RARB: variants seen among roughly 807,000 people sequenced by gnomAD.
RARB encodes the protein HBV-activated protein.
Under a neutral mutation model 51.9 loss-of-function variants are expected in RARB, and 17 were observed. That is an observed-to-expected ratio of 0.33 (90% CI 0.22 to 0.49). RARB has a LOEUF of 0.49. RARB is among the 20% of genes least tolerant of loss of function. The pLI is 0.99. For synonymous variants in RARB, 215 were observed against 195.4 expected, an observed-to-expected ratio of 1.10 and a Z score of -0.84; for missense variants, 369 against 550.8, an observed-to-expected ratio of 0.67 and a Z score of 3.30.
At chr3:25,397,149 G>GC (rs1440229842) in intron 5 of RARB, among the ~76,000 whole-genome samples, 36 of 152,128 alleles carry the variant, frequency 2.4e-4, no homozygotes, top group African/African-American at 7.7e-4. Context: ...TCTACTGGCA[G>GC]CCCTCCCCAA....
At chr3:25,269,455 T>C (rs1456250034) in intron 5 of RARB, among the ~76,000 whole-genome samples, 1 of 152,200 alleles carries the variant, frequency 6.6e-6, no homozygotes, top group Non-Finnish European at 1.5e-5. Flanking sequence ...ACTTACTAGC[T>C]GCATGACCTT....
At chr3:25,043,369 A>T (rs1380189256) in intron 2 of RARB, among the ~76,000 whole-genome samples, 2 of 152,244 alleles carry the variant, frequency 1.3e-5, no homozygotes, top group East Asian at 1.9e-4. Flanking sequence ...TGACTCATTT[A>T]TTAATAGTAA....
At chr3:25,099,994 C>T (rs1302573041) in intron 3 of RARB, among the ~76,000 whole-genome samples, 3 of 152,172 alleles carry the variant, frequency 2.0e-5, no homozygotes, top group Non-Finnish European at 2.9e-5. Context: ...TTTCACTTGG[C>T]CCGTTTTCTA....
chr3:25,573,194 A>T (rs1330783064), intron 4 of RARB, among the ~76,000 whole-genome samples: 1 of 151,382 alleles, frequency 6.6e-6, no homozygotes, highest in Non-Finnish European at 1.5e-5. Context: ...TTCCCTGCCC[A>T]CTCTGTTCTT....
chr3:25,398,535 G>T (rs1298824564), intron 5 of RARB, among the ~76,000 whole-genome samples: 2 of 152,140 alleles, frequency 1.3e-5, no homozygotes, highest in Non-Finnish European at 1.5e-5. Context: ...ACACAACACA[G>T]TTGCCATATT....
At chr3:24,856,978 A>G (rs758786995) in intron 1 of RARB, among the ~76,000 whole-genome samples, 8 of 152,176 alleles carry the variant, frequency 5.3e-5, no homozygotes, top group Non-Finnish European at 1.2e-4. Flanking sequence ...CTGAAGAGAA[A>G]ATGCCTTCTC....
intron 5 of RARB, among the ~76,000 whole-genome samples, chr3:25,387,437 G>T (rs974061892): frequency 6.6e-6 from 1 of 152,150 alleles, no homozygotes; most frequent in African/African-American, 2.4e-5. Flanking sequence ...TCAGAGAACC[G>T]AAGTGGGGAG....
chr3:25,551,013 A>C (rs1320786340), intron 3 of RARB, among the ~76,000 whole-genome samples: 2 of 152,222 alleles, frequency 1.3e-5, no homozygotes, highest in Admixed American at 1.3e-4. Flanking sequence ...TGGAGAGGAC[A>C]CAAACATTTA....
At chr3:24,829,334 G>C (rs1206391933), upstream of RARB, among the ~76,000 whole-genome samples, 11 of 151,936 alleles carry the variant, frequency 7.2e-5, no homozygotes, top group Admixed American at 7.2e-4. Flanking sequence ...TGCTCTCAGC[G>C]GCGGCGGCAG....
At chr3:25,129,354 C>CT (rs1195674219) in intron 3 of RARB, among the ~76,000 whole-genome samples, 2 of 151,956 alleles carry the variant, frequency 1.3e-5, no homozygotes, top group Non-Finnish European at 2.9e-5. Flanking sequence ...TACAGTATGT[C>CT]TTTTTTGTGT....
At chr3:24,977,433 T>A (rs1231659303) in intron 2 of RARB, among the ~76,000 whole-genome samples, 4 of 152,200 alleles carry the variant, frequency 2.6e-5, no homozygotes, top group African/African-American at 9.6e-5. Flanking sequence ...CTCTTTTATT[T>A]CGTTGAGCAG....
intron 5 of RARB, among the ~76,000 whole-genome samples, chr3:25,357,878 G>T (rs1370373874): frequency 6.6e-6 from 1 of 151,970 alleles, no homozygotes; most frequent in Non-Finnish European, 1.5e-5. Flanking sequence ...TATCAGTTTT[G>T]GTACCAGTAC....
intron 5 of RARB, among the ~76,000 whole-genome samples, chr3:25,252,739 A>T: frequency 6.6e-6 from 1 of 152,132 alleles, no homozygotes; most frequent in East Asian, 1.9e-4. Flanking sequence ...CTTCTAATAA[A>T]TTTTTTTGTG....
intron 5 of RARB, among the ~76,000 whole-genome samples, chr3:25,198,662 C>T (rs1247212682): frequency 6.6e-6 from 1 of 151,926 alleles, no homozygotes; most frequent in Non-Finnish European, 1.5e-5. Context: ...AGAAGACATA[C>T]AAATTGCGAA....
At chr3:25,099,756 C>T (rs1420992594) in intron 3 of RARB, among the ~76,000 whole-genome samples, 4 of 151,932 alleles carry the variant, frequency 2.6e-5, no homozygotes, top group East Asian at 1.9e-4. Context: ...TTCGGTTTTC[C>T]GAGTCTCGGC....
intron 2 of RARB, among the ~76,000 whole-genome samples, chr3:24,865,927 A>G (rs1244956151): frequency 6.6e-6 from 1 of 152,100 alleles, no homozygotes; most frequent in East Asian, 1.9e-4. Flanking sequence ...GCCATAATAT[A>G]ACGACATTTG....
At chr3:25,486,313 G>A (rs1696467483) in intron 2 of RARB, among the ~76,000 whole-genome samples, 1 of 152,204 alleles carries the variant, frequency 6.6e-6, no homozygotes, top group Non-Finnish European at 1.5e-5. Flanking sequence ...TCAGACTTGT[G>A]AAATGGAACT....
chr3:25,150,719 G>A (rs1034371636), intron 4 of RARB, among the ~76,000 whole-genome samples: 12 of 152,144 alleles, frequency 7.9e-5, no homozygotes, highest in Non-Finnish European at 1.5e-4. Flanking sequence ...CAGGAGACCA[G>A]GAAAGAACTT....
At chr3:25,082,788 G>A (rs1699032681) in intron 3 of RARB, among the ~76,000 whole-genome samples, 1 of 151,928 alleles carries the variant, frequency 6.6e-6, no homozygotes, top group South Asian at 2.1e-4. Context: ...AACTTTCTCT[G>A]CTGTTTCCAA....
Sources: gnomAD v4.1 joint callset for allele counts (sites outside exome capture counted in the v4.1 genomes callset) on GRCh38, gnomAD v4.1.1 for gene constraint, MANE v1.5 for transcripts, NCBI Gene and HGNC (gene_info 2026-07-23, HGNC 2026-07-21) for gene names.